The following DNM3 variants were observed in gnomAD, a reference collection of about 807,000 sequenced individuals.
The protein encoded by DNM3 is dynamin-3.
A neutral mutation model predicts 101.6 loss-of-function variants in DNM3; 47 were observed. The observed-to-expected ratio is 0.46, with a 90% CI of 0.37 to 0.59. The LOEUF is 0.59. DNM3 is among the 20% of genes least tolerant of loss of function. The pLI is 0.00. For synonymous variants in DNM3, 385 were observed against 387.9 expected (o/e 0.99, Z 0.09); for missense variants, 849 against 1,085.7 (o/e 0.78, Z 3.06).
intron 14 of DNM3, among the ~76,000 whole-genome samples, chr1:172,253,313 A>G (rs529632292): frequency 6.6e-6 from 1 of 152,160 alleles, no homozygotes; most frequent in Admixed American, 6.5e-5. Context: ...CATTTTTCCA[A>G]CCACATGTTG....
intron 2 of DNM3, among the ~76,000 whole-genome samples, chr1:171,922,244 A>G (rs1342238006): frequency 2.6e-5 from 4 of 152,104 alleles, no homozygotes; most frequent in South Asian, 4.2e-4. Flanking sequence ...GTGCGTATCT[A>G]TATTTACACT....
chr1:172,249,978 T>G (rs527560717), intron 14 of DNM3, among the ~76,000 whole-genome samples: 9 of 152,178 alleles, frequency 5.9e-5, no homozygotes, highest in Non-Finnish European at 1.3e-4. Flanking sequence ...TTGTGTAAGC[T>G]TATATAAACT....
chr1:172,388,418 C>T (rs1445131611), intron 19 of DNM3, among the ~76,000 whole-genome samples, 155 bp from the exon 20 acceptor site: 3 of 152,140 alleles, frequency 2.0e-5, no homozygotes, highest in Admixed American at 2.0e-4. Context: ...TACTTTTCTC[C>T]ATTTACCCTT....
intron 2 of DNM3, among the ~76,000 whole-genome samples, chr1:171,969,323 G>T (rs1381305919): frequency 6.6e-6 from 1 of 152,190 alleles, no homozygotes; most frequent in Non-Finnish European, 1.5e-5. Context: ...TAGAGGTGTA[G>T]GAGTAATTGG....
At chr1:171,868,861 G>A (rs1472954443) in intron 1 of DNM3, among the ~76,000 whole-genome samples, 3 of 151,920 alleles carry the variant, frequency 2.0e-5, no homozygotes, top group African/African-American at 7.3e-5. Flanking sequence ...TTGGCTCACT[G>A]CAACATCTGC....
intron 15 of DNM3, among the ~76,000 whole-genome samples, chr1:172,260,407 G>C (rs565800457): frequency 6.6e-6 from 1 of 152,058 alleles, no homozygotes; most frequent in South Asian, 2.1e-4. Context: ...TTATTAAATA[G>C]GTTTTCTAAT....
In DNM3 at chr1:172,411,053, A is replaced by G. The variant is rs2071175642; in HGVS notation, c.*3212A>G. 1 of 985,256 alleles carries G rather than the reference A, an allele frequency of 1.0e-6. No homozygotes were observed. Among genetic ancestry groups the G allele is most frequent in the East Asian group, 1.1e-4 (1 of 8,820 alleles). The allele number at this position is 985,256 out of a possible 1,614,324, so 61.0% of individuals were successfully genotyped here. Reference sequence around the variant, plus strand: ...TTAAAAATACTAGTTAAAATGCCACAAGCATGAGTGTGATTGTATGTGCAC... The same window carrying G: ...TTAAAAATACTAGTTAAAATGCCACGAGCATGAGTGTGATTGTATGTGCAC... On this transcript the variant is annotated 3_prime_UTR_variant, in exon 21 of 21. Coordinates refer to ENST00000627582, the MANE Select transcript of DNM3 (RefSeq NM_015569.5).
At chr1:172,368,037 A>G (rs1275203426) in intron 17 of DNM3, among the ~76,000 whole-genome samples, 1 of 151,832 alleles carries the variant, frequency 6.6e-6, no homozygotes, top group Admixed American at 6.6e-5. Flanking sequence ...GCGTCCTACA[A>G]TACCCCACTC....
chr1:171,938,095 G>C (rs1558295580), intron 2 of DNM3, among the ~76,000 whole-genome samples: 1 of 151,408 alleles, frequency 6.6e-6, no homozygotes, highest in Non-Finnish European at 1.5e-5. Context: ...TTCAGTCATG[G>C]CATCTGTATA....
chr1:172,072,881 G>C (rs1267691856), intron 11 of DNM3, among the ~76,000 whole-genome samples: 1 of 152,042 alleles, frequency 6.6e-6, no homozygotes, highest in Non-Finnish European at 1.5e-5. Flanking sequence ...AGTGAGACTT[G>C]TCTCAAAAAA....
rs2061068259 is a variant in DNM3, at chr1:172,225,278, A to G, written c.1660-28295A>G. Among the ~76,000 whole-genome samples the G allele has an allele frequency of 2.7e-5, 4 of 150,522 alleles. No homozygotes were observed. The South Asian group carries it at 6.3e-4, about 24-fold the overall frequency. Reference sequence around the variant, plus strand: ...CTCAGCCTCCCGAGTAGCTGGGATTACAGGCGCACCACCACGCCCAGCTAA... The same window carrying G: ...CTCAGCCTCCCGAGTAGCTGGGATTGCAGGCGCACCACCACGCCCAGCTAA... On this transcript the variant is annotated intron_variant, in intron 14 of 20. Coordinates refer to ENST00000627582, the MANE Select transcript of DNM3 (RefSeq NM_015569.5).
In DNM3 at chr1:171,944,519, G is replaced by A. The variant is rs114137423; in HGVS notation, c.235+22698G>A. ...CGCTGCAGTGGCTGGGACCACAAGC[G>A]TGTGCCATCATGCCCAGCTAATTTT... On this transcript the variant is annotated intron_variant, in intron 2 of 20. Coordinates refer to ENST00000627582, the MANE Select transcript of DNM3 (RefSeq NM_015569.5). Among the ~76,000 whole-genome samples, 1,044 of 151,912 alleles carry A rather than the reference G, an allele frequency of 6.9e-3. 14 individuals are homozygous for A. Among genetic ancestry groups the A allele is most frequent in the African/African-American group, 0.024 (995 of 41,396 alleles).
At chr1:171,862,565 C>T (rs987254551) in intron 1 of DNM3, among the ~76,000 whole-genome samples, 2 of 151,896 alleles carry the variant, frequency 1.3e-5, no homozygotes, top group Non-Finnish European at 2.9e-5. Context: ...TGGTGTTTGC[C>T]AGGGCCTAGG....
At chr1:171,965,234 T>C (rs2043488305) in intron 2 of DNM3, among the ~76,000 whole-genome samples, 1 of 152,096 alleles carries the variant, frequency 6.6e-6, no homozygotes, top group Non-Finnish European at 1.5e-5. Flanking sequence ...CACTTTTGTT[T>C]ACTGGTTTAT....
intron 1 of DNM3, chr1:171,864,647 A>AT (rs2034530266): frequency 6.6e-6 from 1 of 152,354 alleles, no homozygotes; most frequent in East Asian, 1.9e-4. Context: ...GTTTATAAAT[A>AT]TGCAACAGAC....
At chr1:172,274,503 G>A (rs2063203558) in intron 15 of DNM3, among the ~76,000 whole-genome samples, 1 of 152,012 alleles carries the variant, frequency 6.6e-6, no homozygotes, top group African/African-American at 2.4e-5. Context: ...CTAGTCTGGG[G>A]TAAAGATATC....
At chr1:171,860,622 A>T (rs1484976488) in intron 1 of DNM3, among the ~76,000 whole-genome samples, 1 of 152,096 alleles carries the variant, frequency 6.6e-6, no homozygotes, top group Non-Finnish European at 1.5e-5. Flanking sequence ...AGATGCTGTG[A>T]TGATAATGGA....
downstream of DNM3, among the ~76,000 whole-genome samples, chr1:172,416,357 C>G (rs181701709): frequency 7.9e-5 from 12 of 152,228 alleles, no homozygotes; most frequent in Admixed American, 7.2e-4. Context: ...CTGCCCATAT[C>G]CTTAAAAGAA....
At chr1:172,019,245 A>T (rs1170410938) in intron 4 of DNM3, among the ~76,000 whole-genome samples, 1 of 143,748 alleles carries the variant, frequency 7.0e-6, no homozygotes, top group African/African-American at 2.6e-5. Context: ...GTGCACCAGG[A>T]TCTCCTTCAC....
Sources: gnomAD v4.1 joint callset for allele counts (sites outside exome capture counted in the v4.1 genomes callset) on GRCh38, gnomAD v4.1.1 for gene constraint, MANE v1.5 for transcripts, NCBI Gene and HGNC (gene_info 2026-07-23, HGNC 2026-07-21) for gene names.